Variants in AK5 observed in about 807,000 individuals in gnomAD.
The protein encoded by AK5 is adenylate kinase 5.
AK5 carries 27 observed loss-of-function variants against 69.5 expected under a neutral mutation model. The observed-to-expected ratio is 0.39, with a 90% CI of 0.29 to 0.54. AK5 has a LOEUF of 0.54. Ranked by LOEUF, AK5 falls within the 20% of genes least tolerant of loss-of-function variation. The pLI is 0.71. For missense variants in AK5, 531 were observed against 700.4 expected (o/e 0.76, Z 2.73); for synonymous variants, 260 against 244.4 (o/e 1.06, Z -0.60).
chr1:77,496,932 G>A (rs577280807), intron 10 of AK5, among the ~76,000 whole-genome samples: 59 of 152,326 alleles, frequency 3.9e-4, no homozygotes, highest in African/African-American at 1.3e-3. Context: ...TCTGTAAAAT[G>A]GACCAATCAG....
At chr1:77,533,953 T>G (rs908214077) in intron 12 of AK5, among the ~76,000 whole-genome samples, 10 of 152,138 alleles carry the variant, frequency 6.6e-5, no homozygotes, top group Non-Finnish European at 1.0e-4. Flanking sequence ...TGCTCTTTTT[T>G]TTTTTCCTTC....
rs1032956331 is a variant in AK5 at position 77,559,274 on chromosome 1, T to C, written c.*604T>C. ...AGAAATTTTAAAATATGAAGATGTA[T>C]AGCTTTCCCAAGATGATGGTAAAAC... On this transcript the variant is annotated 3_prime_UTR_variant, in exon 14 of 14. Transcript: ENST00000354567. 3 of 152,212 alleles carry C rather than the reference T, an allele frequency of 2.0e-5. No individual in the cohort carries two copies. The highest frequency in any genetic ancestry group is 7.2e-5 in the African/African-American group (3 of 41,452). The allele number at this position is 152,212 out of a possible 1,614,324, so 9.4% of individuals were successfully genotyped here. A position where few individuals can be genotyped will look rare whatever the true frequency, so the allele number is the denominator to read the frequency against.
At chr1:77,395,267 A>T (rs1648754820) in intron 6 of AK5, among the ~76,000 whole-genome samples, 1 of 152,132 alleles carries the variant, frequency 6.6e-6, no homozygotes, top group Non-Finnish European at 1.5e-5. Flanking sequence ...ATCAAGTTTG[A>T]CTCATTCTGC....
intron 6 of AK5, among the ~76,000 whole-genome samples, chr1:77,394,372 C>G (rs942111142): frequency 6.6e-6 from 1 of 152,258 alleles, no homozygotes; most frequent in East Asian, 1.9e-4. Flanking sequence ...TTCTCTCTCT[C>G]CTATGACACT....
chr1:77,336,903 G>T (rs1281596201), intron 5 of AK5, among the ~76,000 whole-genome samples: 1 of 151,962 alleles, frequency 6.6e-6, no homozygotes, highest in Non-Finnish European at 1.5e-5. Context: ...ACTCTCTCCT[G>T]GCCTGTAAGG....
At chr1:77,391,945 A>G (rs4949799) in intron 6 of AK5, among the ~76,000 whole-genome samples, 149,424 of 152,294 alleles carry the variant, frequency 0.98, 73,368 homozygotes, top group East Asian at 1. Flanking sequence ...TTTCCTTTTA[A>G]AAGATAGAAT....
chr1:77,493,330 C>G (rs1042398583), intron 10 of AK5, among the ~76,000 whole-genome samples: 36 of 150,504 alleles, frequency 2.4e-4, no homozygotes, highest in African/African-American at 6.6e-4. Flanking sequence ...CACCAGCAGC[C>G]CCCCCCAGGT....
At chr1:77,517,853 C>A (rs1657756934) in intron 10 of AK5, among the ~76,000 whole-genome samples, 1 of 152,104 alleles carries the variant, frequency 6.6e-6, no homozygotes, top group African/African-American at 2.4e-5. Flanking sequence ...TGAACTTGAC[C>A]CATTGACTTC....
intron 13 of AK5, among the ~76,000 whole-genome samples, chr1:77,545,524 G>A (rs72683621): frequency 0.013 from 1,962 of 152,308 alleles, 45 homozygotes; most frequent in South Asian, 0.11. Flanking sequence ...TACTAACAAC[G>A]ATGCAGTGGA....
At chr1:77,512,149 G>A (rs1256443490) in intron 10 of AK5, among the ~76,000 whole-genome samples, 1 of 152,132 alleles carries the variant, frequency 6.6e-6, no homozygotes, top group Non-Finnish European at 1.5e-5. Context: ...TGTTCTCTCT[G>A]CTTTGAAACT....
chr1:77,505,720 TA>T (rs1029758256), intron 10 of AK5, among the ~76,000 whole-genome samples: 105 of 131,154 alleles, frequency 8.0e-4, no homozygotes, highest in South Asian at 1.2e-3. Context: ...TAAAATAAAG[TA>T]AAAAAAAAAA....
chr1:77,342,893 A>C (rs1394759243), intron 6 of AK5, among the ~76,000 whole-genome samples: 2 of 151,942 alleles, frequency 1.3e-5, no homozygotes, highest in African/African-American at 4.8e-5. Flanking sequence ...TCATTCAGTA[A>C]ATATTTACTG....
chr1:77,538,428 C>CA (rs1205826707), intron 13 of AK5, among the ~76,000 whole-genome samples: 1 of 151,038 alleles, frequency 6.6e-6, no homozygotes, highest in Non-Finnish European at 1.5e-5. Context: ...TTCAGGGCTG[C>CA]AAAGGCCTTT....
intron 10 of AK5, among the ~76,000 whole-genome samples, chr1:77,508,523 G>A (rs1401584108): frequency 6.6e-6 from 1 of 152,156 alleles, no homozygotes; most frequent in Non-Finnish European, 1.5e-5. Flanking sequence ...ATCCACCTCT[G>A]CCCACATTTC....
chr1:77,427,025 A>G (rs940426875), intron 8 of AK5, among the ~76,000 whole-genome samples: 1 of 152,158 alleles, frequency 6.6e-6, no homozygotes, highest in African/African-American at 2.4e-5. Context: ...ATATTTGTAT[A>G]TACATTGAAT....
At chr1:77,399,164 C>G (rs1008733374) in intron 6 of AK5, among the ~76,000 whole-genome samples, 3 of 152,142 alleles carry the variant, frequency 2.0e-5, no homozygotes, top group Admixed American at 6.5e-5. Context: ...CAAAGATTAG[C>G]GAGCAGAATA....
chr1:77,546,621 A>G (rs1054632197), intron 13 of AK5, among the ~76,000 whole-genome samples: 2 of 152,170 alleles, frequency 1.3e-5, no homozygotes, highest in African/African-American at 4.8e-5. Flanking sequence ...GAGGCACAAG[A>G]ATTGTTTGAA....
intron 6 of AK5, among the ~76,000 whole-genome samples, chr1:77,410,247 G>A (rs1212768140): frequency 1.3e-5 from 2 of 151,678 alleles, no homozygotes; most frequent in African/African-American, 2.4e-5. Context: ...ATCTAGTATA[G>A]TATCTGAAAT....
intron 6 of AK5, among the ~76,000 whole-genome samples, chr1:77,358,335 C>A (rs1662658696): frequency 6.6e-6 from 1 of 152,104 alleles, no homozygotes; most frequent in South Asian, 2.1e-4. Context: ...GTGGTAATGA[C>A]CCAGTGTTTC....
Sources: gnomAD v4.1 joint callset for allele counts (sites outside exome capture counted in the v4.1 genomes callset) on GRCh38, gnomAD v4.1.1 for gene constraint, MANE v1.5 for transcripts, NCBI Gene and HGNC (gene_info 2026-07-23, HGNC 2026-07-21) for gene names.